The following PTPRT variants were observed in gnomAD, a reference collection of about 807,000 sequenced individuals.
PTPRT encodes the protein protein tyrosine phosphatase receptor type T.
Under a neutral mutation model 176.8 loss-of-function variants are expected in PTPRT, and 56 were observed. The observed-to-expected ratio is 0.32, with a 90% CI of 0.26 to 0.40. The LOEUF (loss-of-function observed/expected upper bound fraction) is 0.40. Among genes scored for constraint, PTPRT ranks in the 10% least tolerant of loss-of-function variants. The pLI is 1.00. For synonymous variants in PTPRT, 783 were observed against 739.0 expected (o/e 1.06, Z -0.96); for missense variants, 1,540 against 1,908.2 (o/e 0.81, Z 3.60).
chr20:43,048,580 G>T (rs1258934801), intron 1 of PTPRT, among the ~76,000 whole-genome samples: 8 of 152,108 alleles, frequency 5.3e-5, no homozygotes, highest in Admixed American at 1.3e-4. Context: ...CCAAGGGGGT[G>T]GGAAACAGCA....
At chr20:42,288,024 A>T (rs79715581) in intron 12 of PTPRT, among the ~76,000 whole-genome samples, 2,881 of 152,106 alleles carry the variant, frequency 0.019, 87 homozygotes, top group African/African-American at 0.066. Flanking sequence ...TTGTTACAAC[A>T]TGCAAATTTA....
intron 1 of PTPRT, among the ~76,000 whole-genome samples, chr20:42,906,648 C>G (rs889475646): frequency 6.6e-6 from 1 of 152,134 alleles, no homozygotes; most frequent in Admixed American, 6.5e-5. Context: ...GAGACCAGAG[C>G]CCTACAGCCT....
chr20:42,272,699 A>T (rs1266032939), intron 13 of PTPRT, among the ~76,000 whole-genome samples: 1 of 146,978 alleles, frequency 6.8e-6, no homozygotes, highest in Non-Finnish European at 1.5e-5. Flanking sequence ...ATGTGCGCGC[A>T]TGCGTGCACA....
At chr20:42,891,886 C>T (rs1016779214) in intron 1 of PTPRT, among the ~76,000 whole-genome samples, 6 of 152,186 alleles carry the variant, frequency 3.9e-5, no homozygotes, top group Non-Finnish European at 7.3e-5. Flanking sequence ...CAAACATTTT[C>T]CATAAAAGAC....
chr20:42,780,351 A>G (rs368325244), intron 3 of PTPRT, 52 bp from the exon 4 acceptor site: 11 of 1,441,294 alleles, frequency 7.6e-6, no homozygotes, highest in Non-Finnish European at 1.1e-5. Flanking sequence ...GCAGGCATTC[A>G]TCACAAGAAG....
At chr20:42,986,804 C>G (rs1172800943) in intron 1 of PTPRT, among the ~76,000 whole-genome samples, 1 of 152,144 alleles carries the variant, frequency 6.6e-6, no homozygotes, top group Non-Finnish European at 1.5e-5. Context: ...CCTCCACACC[C>G]GACTGTGAAG....
At chr20:42,845,441 G>A (rs1342807297) in intron 2 of PTPRT, among the ~76,000 whole-genome samples, 2 of 152,128 alleles carry the variant, frequency 1.3e-5, no homozygotes, top group Admixed American at 6.5e-5. Context: ...AAATTGAAGG[G>A]CGTGCATGTG....
chr20:42,282,311 G>A (rs41308707), intron 13 of PTPRT, among the ~76,000 whole-genome samples, 178 bp downstream of exon 13: 28,829 of 151,766 alleles, frequency 0.19, 2,905 homozygotes, highest in African/African-American at 0.25. Flanking sequence ...TCTATTTTAC[G>A]CACTGTGCTA....
chr20:42,435,219 ATG>A (rs763966600), intron 9 of PTPRT, among the ~76,000 whole-genome samples: 9 of 152,266 alleles, frequency 5.9e-5, no homozygotes, highest in Non-Finnish European at 1.3e-4. Context: ...TTGTTTATAA[ATG>A]TGTGTATCCC....
At chr20:42,336,264 T>C (rs902131429) in intron 11 of PTPRT, among the ~76,000 whole-genome samples, 2 of 152,124 alleles carry the variant, frequency 1.3e-5, no homozygotes, top group African/African-American at 2.4e-5. Context: ...AAGGGAGGTA[T>C]TGGATGATTT....
At chr20:42,609,864 C>G (rs17747895) in intron 7 of PTPRT, among the ~76,000 whole-genome samples, 1 of 152,242 alleles carries the variant, frequency 6.6e-6, no homozygotes, top group South Asian at 2.1e-4. Flanking sequence ...TGCAGCCGAG[C>G]GTGAGCACAT....
chr20:42,987,550 C>T (rs1568719000), intron 1 of PTPRT, among the ~76,000 whole-genome samples: 1 of 152,142 alleles, frequency 6.6e-6, no homozygotes, highest in African/African-American at 2.4e-5. Flanking sequence ...CTTGGTCATG[C>T]TGTCACACTC....
intron 16 of PTPRT, among the ~76,000 whole-genome samples, chr20:42,187,801 A>C (rs1392250093): frequency 2.6e-5 from 4 of 152,182 alleles, no homozygotes; most frequent in Non-Finnish European, 1.5e-5. Flanking sequence ...ACACAGCCCC[A>C]TTTATAGCCC....
intron 1 of PTPRT, among the ~76,000 whole-genome samples, chr20:43,007,823 C>T (rs1244568589): frequency 6.6e-6 from 1 of 152,224 alleles, no homozygotes; most frequent in Non-Finnish European, 1.5e-5. Flanking sequence ...GTTGATACTT[C>T]AGGCATTATC....
intron 9 of PTPRT, among the ~76,000 whole-genome samples, chr20:42,444,860 T>TA (rs751999812): frequency 7.9e-5 from 12 of 152,350 alleles, no homozygotes; most frequent in African/African-American, 2.9e-4. Context: ...TGCTTTGTTA[T>TA]AAATGTTTTT....
intron 7 of PTPRT, among the ~76,000 whole-genome samples, chr20:42,568,575 T>C (rs2073088742): frequency 6.6e-6 from 1 of 152,166 alleles, no homozygotes; most frequent in Admixed American, 6.5e-5. Flanking sequence ...ATTTCTTCCA[T>C]GCCCCTCTGG....
chr20:42,451,200 C>T (rs1048246684), intron 8 of PTPRT, among the ~76,000 whole-genome samples: 1 of 151,992 alleles, frequency 6.6e-6, no homozygotes, highest in Admixed American at 6.6e-5. Flanking sequence ...AGGATGGCAA[C>T]ATGGAAGATC....
chr20:43,149,472 G>A (rs1278315461), intron 1 of PTPRT, among the ~76,000 whole-genome samples: 3 of 152,200 alleles, frequency 2.0e-5, no homozygotes, highest in African/African-American at 7.2e-5. Flanking sequence ...GAAGGCCTGG[G>A]ATAGGAGGAA....
intron 7 of PTPRT, among the ~76,000 whole-genome samples, chr20:42,580,472 T>C (rs947512795): frequency 7.2e-5 from 11 of 152,154 alleles, no homozygotes; most frequent in Non-Finnish European, 1.2e-4. Context: ...GGGATGGCAT[T>C]GAATCTGTAA....
Sources: gnomAD v4.1 joint callset for allele counts (sites outside exome capture counted in the v4.1 genomes callset) on GRCh38, gnomAD v4.1.1 for gene constraint, MANE v1.5 for transcripts, NCBI Gene and HGNC (gene_info 2026-07-23, HGNC 2026-07-21) for gene names.